LSS: variants seen among roughly 807,000 people sequenced by gnomAD.
The protein encoded by LSS is 2,3-epoxysqualene-lanosterol cyclase.
A neutral mutation model predicts 110.3 loss-of-function variants in LSS; 90 were observed. The observed-to-expected ratio is 0.82, with a 90% confidence interval of 0.69 to 0.97. The LOEUF (loss-of-function observed/expected upper bound fraction) is 0.97. Ranked by LOEUF, LSS falls within the 50% of genes least tolerant of loss-of-function variation. LSS has a pLI of 0.00. For missense variants in LSS, 927 were observed against 990.0 expected, an observed-to-expected ratio of 0.94 and a Z score of 0.85; for synonymous variants, 433 against 400.0, an observed-to-expected ratio of 1.08 and a Z score of -0.98.
At chr21:46,217,208 C>T (rs1346776935) in intron 6 of LSS, among the ~76,000 whole-genome samples, 2 of 137,544 alleles carry the variant, frequency 1.5e-5, no homozygotes, top group Non-Finnish European at 3.0e-5. Context: ...TGTGCCACTG[C>T]ACACAGCCTG....
intron 17 of LSS, among the ~76,000 whole-genome samples, chr21:46,199,829 C>T (rs2079957147): frequency 6.6e-6 from 1 of 152,084 alleles, no homozygotes; most frequent in Non-Finnish European, 1.5e-5. Context: ...CAGAGGACTC[C>T]GGGGCAGTGA....
At chr21:46,213,427 G>A (rs924377156) in intron 10 of LSS, among the ~76,000 whole-genome samples, 3 of 152,084 alleles carry the variant, frequency 2.0e-5, no homozygotes, top group African/African-American at 7.2e-5. Context: ...CACCTCCAGG[G>A]CACAGTCCAT....
Position 46,207,542 on chromosome 21 carries a change from C to A in LSS, c.1353G>T (p.Trp451Cys). 6.2e-7 allele frequency: 1 copy of A among 1,610,774 alleles called. No individual in the cohort carries two copies. The highest frequency in any genetic ancestry group is 8.5e-7 in the Non-Finnish European group (1 of 1,178,894). ...GFSFSTLDCG[W>C]IVSDCTAEAL... ...CCTCAGCCGTGCAGTCAGAAACGAT[C>A]CAGCCGCAGTCCAGCGTACTGAAGG... Residue 451 changes from tryptophan to cysteine, a missense_variant, in exon 15 of 22, where the codon TGG becomes TGT. By Grantham distance (215) the Trp-to-Cys change is radical. Coordinates refer to ENST00000397728, the MANE Select transcript of LSS (RefSeq NM_002340.6).
Position 46,228,571 on chromosome 21 carries a change from T to A in LSS, c.43A>T (p.Lys15Ter). ...TCLRRRGGPY[K>*]TEPATDLGRW... ...CCGAGGTCGGTGGCGGGCTCGGTCT[T>A]GTAGGGGCCCCCTCGGCGCCGCAGA... Residue 15 changes from lysine to a stop codon, truncating the protein, a stop_gained, in exon 2 of 22, where the codon AAG (lysine) becomes TAG (stop). Transcript: ENST00000397728. LOFTEE classifies it high-confidence loss of function. 2 of 1,594,092 alleles carry A rather than the reference T, an allele frequency of 1.3e-6. No homozygotes were observed. Among genetic ancestry groups the A allele is most frequent in the Non-Finnish European group, 1.7e-6 (2 of 1,176,832 alleles).
chr21:46,213,578 C>T (rs1008772982), intron 10 of LSS, among the ~76,000 whole-genome samples, 160 bp downstream of exon 10: 2 of 152,234 alleles, frequency 1.3e-5, no homozygotes, highest in African/African-American at 2.4e-5. Flanking sequence ...TCAAAGACAA[C>T]CCTCAGTGGC....
At chr21:46,205,419 G>A (rs1324838678) in intron 17 of LSS, among the ~76,000 whole-genome samples, 2 of 152,166 alleles carry the variant, frequency 1.3e-5, no homozygotes, top group Non-Finnish European at 2.9e-5. Context: ...GTCATGGGGC[G>A]GGCCGAGGGC....
At chr21:46,222,060 G>C (rs1157123272) in intron 4 of LSS, 85 bp from the exon 5 acceptor site, 63 of 1,508,178 alleles carry the variant, frequency 4.2e-5, no homozygotes, top group Middle Eastern at 1.7e-4. Context: ...AGTTTCCTCA[G>C]AAAACTAAGA....
At chr21:46,211,724 G>C (rs1471139011) in intron 11 of LSS, among the ~76,000 whole-genome samples, 1 of 152,178 alleles carries the variant, frequency 6.6e-6, no homozygotes, top group Non-Finnish European at 1.5e-5. Flanking sequence ...TCGAGCCTCA[G>C]GGCCTGGCCA....
At chr21:46,212,253 G>A (rs2080143933) in intron 11 of LSS, among the ~76,000 whole-genome samples, 1 of 152,212 alleles carries the variant, frequency 6.6e-6, no homozygotes, top group Non-Finnish European at 1.5e-5. Flanking sequence ...TAGCCCTGGG[G>A]CGGGCAGTGC....
chr21:46,208,427 G>A, intron 13 of LSS, 126 bp from the exon 14 acceptor site: 1 of 830,554 alleles, frequency 1.2e-6, no homozygotes, highest in Admixed American at 2.0e-5. Context: ...AGCTTACTCT[G>A]CCGGCCACAG....
chr21:46,194,136 C>A (rs1213665834), intron 20 of LSS, among the ~76,000 whole-genome samples: 1 of 152,208 alleles, frequency 6.6e-6, no homozygotes, highest in Non-Finnish European at 1.5e-5. Flanking sequence ...CAGAGAGCAG[C>A]TGCTGTGACC....
intron 7 of LSS, 44 bp from the exon 8 acceptor site, chr21:46,215,837 G>A (rs2080200446): frequency 5.9e-6 from 8 of 1,367,222 alleles, no homozygotes; most frequent in Non-Finnish European, 7.2e-6. Context: ...GGAGCACCTG[G>A]TAGGCCTGGC....
intron 3 of LSS, among the ~76,000 whole-genome samples, chr21:46,226,589 A>C (rs1159315113): frequency 6.6e-6 from 1 of 152,248 alleles, no homozygotes; most frequent in African/African-American, 2.4e-5. Flanking sequence ...AATGTGCCTC[A>C]GCTTTCTAAT....
chr21:46,192,036 A>G (rs1405860555), intron 20 of LSS, 77 bp from the exon 21 acceptor site: 11 of 1,104,186 alleles, frequency 1.0e-5, no homozygotes, highest in Non-Finnish European at 1.4e-5. Context: ...ACAGCCGAGC[A>G]TAAGGGCAAA....
intron 20 of LSS, 109 bp from the exon 21 acceptor site, chr21:46,192,068 A>G (rs759306678): frequency 4.0e-5 from 35 of 867,796 alleles, no homozygotes; most frequent in Non-Finnish European, 5.5e-5. Flanking sequence ...TGCAGTGAGA[A>G]TGGATGGGTC....
At chr21:46,212,177 G>A (rs1164122297) in intron 11 of LSS, among the ~76,000 whole-genome samples, 1 of 152,220 alleles carries the variant, frequency 6.6e-6, no homozygotes, top group Non-Finnish European at 1.5e-5. Context: ...AGTGTCCGGG[G>A]AGCCTCTGGG....
In LSS at chr21:46,200,181, C is replaced by T. The variant is rs751740628; in HGVS notation, c.1671-3914G>A. Among the ~76,000 whole-genome samples, 17 of 152,064 alleles carry T rather than the reference C, an allele frequency of 1.1e-4. 1 individual carries two copies. Among genetic ancestry groups the T allele is most frequent in the Non-Finnish European group, 1.8e-4 (12 of 68,036 alleles). Reference sequence around the variant, plus strand: ...AAAATCAATTGCGTAAGAATCTATGCGTCCACAGTGATAAATAAGTAAATA... The same window carrying T: ...AAAATCAATTGCGTAAGAATCTATGTGTCCACAGTGATAAATAAGTAAATA... On this transcript the variant is annotated intron_variant, in intron 17 of 21. Transcript: ENST00000397728.
chr21:46,218,567 T>G (rs2080236151), intron 6 of LSS, among the ~76,000 whole-genome samples: 1 of 152,032 alleles, frequency 6.6e-6, no homozygotes, highest in African/African-American at 2.4e-5. Context: ...GAGGTTGCAG[T>G]GACCCCAAAT....
chr21:46,197,716 C>G (rs1450427689), intron 17 of LSS, among the ~76,000 whole-genome samples: 1 of 151,998 alleles, frequency 6.6e-6, no homozygotes, highest in South Asian at 2.1e-4. Context: ...GGTGAAACCC[C>G]GTCTCTACTA....
Sources: gnomAD v4.1 joint callset for allele counts (sites outside exome capture counted in the v4.1 genomes callset) on GRCh38, gnomAD v4.1.1 for gene constraint, MANE v1.5 for transcripts, NCBI Gene and HGNC (gene_info 2026-07-23, HGNC 2026-07-21) for gene names.